TAFA5: variants seen among roughly 807,000 people sequenced by gnomAD.
TAFA5 encodes TAFA chemokine like family member 5.
In TAFA5, 6 loss-of-function variants were observed where a neutral mutation model predicts 15.3. The observed-to-expected ratio is 0.39, with a 90% CI of 0.21 to 0.77. The LOEUF is 0.77. Among genes scored for constraint, TAFA5 ranks in the 30% least tolerant of loss-of-function variants. The probability of loss-of-function intolerance (pLI) is 0.41; values close to 1 mark genes in which losing one functional copy is unlikely to be tolerated. For missense variants in TAFA5, 161 were observed against 193.1 expected, an observed-to-expected ratio of 0.83 and a Z score of 0.98; for synonymous variants, 103 against 80.7, an observed-to-expected ratio of 1.28 and a Z score of -1.48.
intron 1 of TAFA5, among the ~76,000 whole-genome samples, chr22:48,610,095 G>A (rs1925342759): frequency 1.3e-5 from 2 of 152,338 alleles, no homozygotes; most frequent in South Asian, 4.1e-4. Flanking sequence ...ACACAGTGGA[G>A]GGGGCTGTTT....
At chr22:48,518,642 G>T (rs1921499014) in intron 1 of TAFA5, among the ~76,000 whole-genome samples, 1 of 152,208 alleles carries the variant, frequency 6.6e-6, no homozygotes, top group Non-Finnish European at 1.5e-5. Context: ...CAGAGCAGGG[G>T]TGCTCAGCAG....
intron 1 of TAFA5, among the ~76,000 whole-genome samples, chr22:48,607,671 A>G (rs1275536387): frequency 1.3e-5 from 2 of 151,878 alleles, no homozygotes; most frequent in African/African-American, 4.8e-5. Context: ...CCAGGTTCTG[A>G]TTAGGGCTGG....
chr22:48,685,652 A>G (rs1404859560), intron 2 of TAFA5, among the ~76,000 whole-genome samples: 1 of 151,788 alleles, frequency 6.6e-6, no homozygotes, highest in African/African-American at 2.4e-5. Context: ...CTCCCATCCC[A>G]TCATGGTTGG....
chr22:48,665,321 T>C (rs1233119127), intron 2 of TAFA5, among the ~76,000 whole-genome samples: 1 of 152,210 alleles, frequency 6.6e-6, no homozygotes, highest in East Asian at 1.9e-4. Context: ...AAGCCTGTGT[T>C]TATTCTGTGG....
rs906184305 is a variant in TAFA5, at chr22:48,751,063, C to G, written c.*1216C>G. ...GCGTCGGCGTCCCGGATGTGTCGGT[C>G]GTGCCCGGGGAGGCCGGGTTCCCCT... On this transcript the variant is annotated 3_prime_UTR_variant, in exon 4 of 4. Coordinates refer to ENST00000402357, the MANE Select transcript of TAFA5 (RefSeq NM_001082967.3). 1 of 152,350 alleles carries G rather than the reference C, an allele frequency of 6.6e-6. No homozygotes were observed. Among genetic ancestry groups the G allele is most frequent in the Non-Finnish European group, 1.5e-5 (1 of 68,082 alleles). The allele number at this position is 152,350 out of a possible 1,614,324, so 9.4% of individuals were successfully genotyped here. A position where few individuals can be genotyped will look rare whatever the true frequency, so the allele number is the denominator to read the frequency against.
intron 1 of TAFA5, among the ~76,000 whole-genome samples, chr22:48,531,551 A>G (rs1225883507): frequency 6.6e-6 from 1 of 152,256 alleles, no homozygotes; most frequent in African/African-American, 2.4e-5. Context: ...TTGGTTTGGC[A>G]TTGGCGTCAG....
At chr22:48,538,187 G>A (rs1283342460) in intron 1 of TAFA5, among the ~76,000 whole-genome samples, 2 of 152,052 alleles carry the variant, frequency 1.3e-5, no homozygotes, top group Admixed American at 6.6e-5. Flanking sequence ...CTGCAGAGCC[G>A]AAAATATTGA....
chr22:48,502,553 ACT>A (rs1273847648), intron 1 of TAFA5, among the ~76,000 whole-genome samples: 11 of 136,636 alleles, frequency 8.1e-5, no homozygotes, highest in African/African-American at 3.1e-4. Flanking sequence ...ATGGAGTCCG[ACT>A]CTGTCTCCCA....
At chr22:48,546,356 T>A (rs1922668289) in intron 1 of TAFA5, among the ~76,000 whole-genome samples, 1 of 152,178 alleles carries the variant, frequency 6.6e-6, no homozygotes, top group South Asian at 2.1e-4. Flanking sequence ...CACTGCAAAG[T>A]CCTTGATTAA....
At chr22:48,642,441 A>G (rs1343651363) in intron 1 of TAFA5, among the ~76,000 whole-genome samples, 1 of 151,460 alleles carries the variant, frequency 6.6e-6, no homozygotes, top group African/African-American at 2.4e-5. Flanking sequence ...TCCCTTCTGA[A>G]CCCCCCTTTC....
chr22:48,643,127 C>T (rs746707275), intron 1 of TAFA5, among the ~76,000 whole-genome samples: 17 of 152,156 alleles, frequency 1.1e-4, no homozygotes, highest in Non-Finnish European at 2.4e-4. Context: ...AGCTGGGGGT[C>T]GCGACAGCCC....
At chr22:48,589,831 C>G (rs1364176026) in intron 1 of TAFA5, among the ~76,000 whole-genome samples, 8 of 149,276 alleles carry the variant, frequency 5.4e-5, no homozygotes, top group African/African-American at 9.7e-5. Context: ...AGCGCAGGCC[C>G]AAGACACCTT....
At chr22:48,515,638 A>T (rs1432962217) in intron 1 of TAFA5, among the ~76,000 whole-genome samples, 1 of 152,158 alleles carries the variant, frequency 6.6e-6, no homozygotes, top group East Asian at 1.9e-4. Flanking sequence ...CCCAATTCCA[A>T]GGGCACCCCT....
At chr22:48,579,807 G>T (rs1923965266) in intron 1 of TAFA5, among the ~76,000 whole-genome samples, 3 of 152,238 alleles carry the variant, frequency 2.0e-5, no homozygotes, top group Admixed American at 1.3e-4. Context: ...GGGCCACCCA[G>T]GCAGGCCACA....
intron 2 of TAFA5, among the ~76,000 whole-genome samples, chr22:48,697,530 GACA>G (rs1414881837): frequency 7.9e-5 from 12 of 151,950 alleles, no homozygotes; most frequent in East Asian, 3.9e-4. Context: ...TGGTGATGGT[GACA>G]ACAATGATAA....
intron 1 of TAFA5, among the ~76,000 whole-genome samples, chr22:48,577,908 G>T (rs1923877629): frequency 6.6e-6 from 1 of 152,212 alleles, no homozygotes; most frequent in Admixed American, 6.5e-5. Flanking sequence ...AGGAGTGGGT[G>T]GTTCTGCCAT....
At chr22:48,501,948 A>G (rs1368218160) in intron 1 of TAFA5, among the ~76,000 whole-genome samples, 10 of 152,178 alleles carry the variant, frequency 6.6e-5, no homozygotes, top group African/African-American at 2.4e-4. Context: ...AGGGCACCCC[A>G]TCCATTCCGC....
At chr22:48,721,149 C>T (rs1929557766) in intron 3 of TAFA5, among the ~76,000 whole-genome samples, 1 of 152,026 alleles carries the variant, frequency 6.6e-6, no homozygotes, top group South Asian at 2.1e-4. Flanking sequence ...TTTCAAATGG[C>T]CCTGGAATCT....
intron 1 of TAFA5, among the ~76,000 whole-genome samples, chr22:48,608,120 C>T (rs546254536): frequency 5.4e-4 from 82 of 151,862 alleles, no homozygotes; most frequent in African/African-American, 1.7e-3. Context: ...CCCACGGCCC[C>T]GGGCTGCCAG....
Sources: allele counts gnomAD v4.1 joint callset (sites outside exome capture counted in the v4.1 genomes callset), GRCh38; gene constraint gnomAD v4.1.1; transcripts MANE v1.5; gene names NCBI Gene and HGNC (gene_info 2026-07-23, HGNC 2026-07-21).